The following PRKDC variants were observed in gnomAD, a reference collection of about 807,000 sequenced individuals.
PRKDC encodes the protein DNA-dependent protein kinase catalytic subunit.
In PRKDC, 82 loss-of-function variants were observed where a neutral mutation model predicts 486.9. The ratio of observed to expected loss-of-function variants is 0.17; its 90% confidence interval spans 0.14 to 0.20. The LOEUF (loss-of-function observed/expected upper bound fraction) is 0.20, where lower values mean the gene tolerates loss of function less well. PRKDC is among the 10% of genes least tolerant of loss of function. The probability of loss-of-function intolerance (pLI) is 1.00; values close to 1 mark genes in which losing one functional copy is unlikely to be tolerated. For missense variants in PRKDC, 4,504 were observed against 5,038.2 expected (o/e 0.89, Z 3.21); for synonymous variants, 1,895 against 1,837.0 (o/e 1.03, Z -0.81).
At position 47,776,965 on chromosome 8, in the gene PRKDC, G is replaced by A. The variant is rs1048546800; in HGVS notation, c.12061C>T (p.Leu4021=). 5.6e-6 allele frequency: 9 copies of A among 1,608,984 alleles called. No individual in the cohort carries two copies. Among genetic ancestry groups the A allele is most frequent in the South Asian group, 5.6e-5 (5 of 89,880 alleles). The change falls in exon 85 of 86, where the codon CTG becomes TTG. Residue 4021 remains leucine, a synonymous_variant. Transcript: ENST00000314191. Reference sequence around the variant, plus strand: ...TGAATCCATGACCCTCCTTTTTTCAGCATTTTCTGTTCAAAATTCTAGAAG... The same window carrying A: ...TGAATCCATGACCCTCCTTTTTTCAACATTTTCTGTTCAAAATTCTAGAAG... ...FDWKNFEQKM[L]KKGGSWIQEI...
chr8:47,839,985 A>T, intron 55 of PRKDC, 31 bp downstream of exon 55: 2 of 1,490,550 alleles, frequency 1.3e-6, no homozygotes, highest in East Asian at 5.0e-5. Flanking sequence ...TCAAAAAAGT[A>T]ACAAAATAAA....
chr8:47,894,336 T>A (rs2089531005), intron 30 of PRKDC, among the ~76,000 whole-genome samples: 1 of 152,182 alleles, frequency 6.6e-6, no homozygotes, highest in Admixed American at 6.6e-5. Context: ...TCTGTAATGT[T>A]CTGTTACTTT....
chr8:47,792,920 G>T (rs1442406760), intron 74 of PRKDC, among the ~76,000 whole-genome samples: 1 of 152,190 alleles, frequency 6.6e-6, no homozygotes, highest in Non-Finnish European at 1.5e-5. Context: ...GTCCAGGTTG[G>T]ACTGCAGTGG....
chr8:47,901,217 T>C lies in PRKDC; in HGVS notation c.3270-750A>G, dbSNP rs564528798. ...TGAAACAGGTGCAGTGGCTCACACC[T>C]GTAATCCTAGAACTTTGGGAGGCTG... is the stretch of plus-strand genomic sequence containing the variant. On this transcript the variant is annotated intron_variant, in intron 27 of 85. Transcript: ENST00000314191. Among the ~76,000 whole-genome samples the C allele has an allele frequency of 2.8e-4, 42 of 152,076 alleles. 1 individual carries two copies. The South Asian group carries it at 6.0e-3, about 22-fold the overall frequency.
chr8:47,888,995 T>C lies in PRKDC; in HGVS notation c.4280+19A>G, dbSNP rs762558439. 2.7e-5 allele frequency: 44 copies of C among 1,606,616 alleles called. No homozygotes were observed. The highest frequency in any genetic ancestry group is 4.5e-5 in the East Asian group (2 of 44,840). Reference sequence around the variant, plus strand: ...AAATTCCAGGACAACATGTCCCCGATTGTGACCCAAGTACCCACCTCTGTG... The same window carrying C: ...AAATTCCAGGACAACATGTCCCCGACTGTGACCCAAGTACCCACCTCTGTG... On this transcript the variant is annotated intron_variant, in intron 33 of 85. Coordinates refer to ENST00000314191, the MANE Select transcript of PRKDC (RefSeq NM_006904.7).
chr8:47,887,641 G>C lies in PRKDC; in HGVS notation c.4478C>G (p.Pro1493Arg), dbSNP rs1331312133. The C allele has an allele frequency of 1.9e-6, 3 of 1,608,472 alleles. No homozygotes were observed. Among genetic ancestry groups the C allele is most frequent in the Non-Finnish European group, 2.5e-6 (3 of 1,177,560 alleles). ...LLSLVYKGIA[P>R]GDERQCLPSL... ...AGGCAGACACTGTCTCTCATCTCCA[G>C]GGGCAATGCCTTTATAAACCAGGGA... The change falls in exon 35 of 86, where the codon CCT becomes CGT. Residue 1493 changes from proline to arginine, a missense_variant. Pro to Arg is a moderately radical substitution (Grantham distance 103, BLOSUM62 -2). Transcript: ENST00000314191.
chr8:47,941,407 G>T (rs189505631), intron 10 of PRKDC, among the ~76,000 whole-genome samples: 11 of 152,242 alleles, frequency 7.2e-5, no homozygotes, highest in African/African-American at 2.4e-4. Flanking sequence ...AATGTGACTC[G>T]GAATGGGAGC....
chr8:47,855,036 GC>G (rs1459763033), intron 50 of PRKDC, among the ~76,000 whole-genome samples, 185 bp downstream of exon 50: 2 of 152,222 alleles, frequency 1.3e-5, no homozygotes, highest in Non-Finnish European at 2.9e-5. Flanking sequence ...GGAGGGCAGG[GC>G]CACTGGAGGG....
At chr8:47,907,046 GT>G (rs564861532) in intron 25 of PRKDC, among the ~76,000 whole-genome samples, 5 of 148,042 alleles carry the variant, frequency 3.4e-5, no homozygotes, top group African/African-American at 7.4e-5. Flanking sequence ...TCATACTGGT[GT>G]TTTTTTTTTG....
intron 76 of PRKDC, among the ~76,000 whole-genome samples, chr8:47,787,142 A>G (rs564480474): frequency 6.6e-6 from 1 of 152,350 alleles, no homozygotes; most frequent in Admixed American, 6.5e-5. Context: ...CTGATATCAA[A>G]TAAAAAATAA....
chr8:47,794,884 CTT>C (rs1345160468), intron 73 of PRKDC, among the ~76,000 whole-genome samples: 3 of 152,078 alleles, frequency 2.0e-5, no homozygotes, highest in Non-Finnish European at 4.4e-5. Flanking sequence ...GTACACATAA[CTT>C]TATTTATTTA....
At chr8:47,824,072 G>A (rs1486284271) in intron 63 of PRKDC, 76 bp from the exon 64 acceptor site, 1 of 1,306,866 alleles carries the variant, frequency 7.7e-7, no homozygotes, top group Non-Finnish European at 1.0e-6. Context: ...TGAAATGATA[G>A]TAAATCAAGT....
intron 7 of PRKDC, 48 bp downstream of exon 7, chr8:47,953,572 A>T: frequency 6.7e-7 from 1 of 1,490,192 alleles, no homozygotes; most frequent in African/African-American, 1.4e-5. Context: ...ATTGCTGGTT[A>T]GACTTACAGT....
chr8:47,859,978 T>C (rs1413890288), intron 45 of PRKDC, among the ~76,000 whole-genome samples: 4 of 152,216 alleles, frequency 2.6e-5, no homozygotes, highest in South Asian at 2.1e-4. Context: ...TATTCTGTCA[T>C]AGACAAGGAA....
At position 47,775,679 on chromosome 8, in the gene PRKDC, T is replaced by C. The variant is rs74894450; in HGVS notation, c.12182+1165A>G. 4.1e-3 allele frequency among the ~76,000 whole-genome samples: 623 copies of C among 152,266 alleles called. 17 individuals carry two copies. In the East Asian group the frequency reaches 0.07, roughly 17 times the overall value. On this transcript the variant is annotated intron_variant, in intron 85 of 85. Transcript: ENST00000314191. The stretch of plus-strand genomic sequence containing the variant: ...TTGGAAGGCTGAAACACCTTCTTGA[T>C]AGCACTCTGTGAAGCACAAAATTGT...
chr8:47,840,208 A>G lies in PRKDC; in HGVS notation c.7281-19T>C. ...ATCATCTCTATGGGAGAGATTTTAA[A>G]AACACACAAATTTAGCTATTTTTAT... is the stretch of plus-strand genomic sequence containing the variant. On this transcript the variant is annotated intron_variant, in intron 54 of 85. Transcript: ENST00000314191. 2 of 1,554,502 alleles carry G rather than the reference A, an allele frequency of 1.3e-6. No homozygotes were observed. The highest frequency in any genetic ancestry group is 1.7e-6 in the Non-Finnish European group (2 of 1,146,822).
chr8:47,942,332 A>G (rs1292091855), intron 10 of PRKDC, among the ~76,000 whole-genome samples: 2 of 152,194 alleles, frequency 1.3e-5, no homozygotes, highest in East Asian at 3.8e-4. Context: ...GTCTGACGGG[A>G]AGGCCAAGTA....
intron 28 of PRKDC, among the ~76,000 whole-genome samples, chr8:47,898,803 C>T (rs531495508): frequency 1.3e-5 from 2 of 152,334 alleles, no homozygotes; most frequent in South Asian, 4.1e-4. Flanking sequence ...TGCGTGCACG[C>T]ACAAACACAT....
intron 31 of PRKDC, among the ~76,000 whole-genome samples, chr8:47,892,886 G>A (rs558991704): frequency 1.3e-5 from 2 of 152,180 alleles, no homozygotes; most frequent in East Asian, 1.9e-4. Flanking sequence ...ACAGTTTTGT[G>A]TATTTAAAAT....
Sources: gnomAD v4.1 joint callset for allele counts (sites outside exome capture counted in the v4.1 genomes callset) on GRCh38, gnomAD v4.1.1 for gene constraint, MANE v1.5 for transcripts, NCBI Gene and HGNC (gene_info 2026-07-23, HGNC 2026-07-21) for gene names.